The following VPS51 variants were observed in gnomAD, a reference collection of about 807,000 sequenced individuals.
VPS51 encodes the protein VPS51 subunit of GARP complex.
Under a neutral mutation model 65.1 loss-of-function variants are expected in VPS51, and 55 were observed. The ratio of observed to expected loss-of-function variants is 0.84; its 90% CI spans 0.68 to 1.06. The LOEUF (loss-of-function observed/expected upper bound fraction) is 1.06. Ranked by LOEUF, VPS51 falls within the 50% of genes least tolerant of loss-of-function variation. The probability of loss-of-function intolerance (pLI) is 0.00; values close to 1 mark genes in which losing one functional copy is unlikely to be tolerated. For missense variants in VPS51, 943 were observed against 1,101.6 expected, an observed-to-expected ratio of 0.86 and a Z score of 2.04; for synonymous variants, 473 against 489.5, an observed-to-expected ratio of 0.97 and a Z score of 0.44.
In VPS51 at chr11:65,107,701, G is replaced by T; in HGVS notation, c.479G>T (p.Arg160Leu). Residue 160 changes from arginine (R) to leucine (L), a missense_variant, in exon 3 of 10, where the codon CGC becomes CTC. This residue lies in a region of VPS51 where 855 missense variants were observed against 953.7 expected (regional missense o/e 0.90). Transcript: ENST00000279281. This position sits in a 1 kb window ranked among gnomAD's most constrained non-coding sequence, Gnocchi z 4.0. ...SARISATLQD[R>L]HERITKLAGV... ...CGCATCAGCGCCACGCTGCAGGACCGCCACGAGCGCATCACCAAGCTGGCA... is the reference window on the plus strand; with the variant it reads ...CGCATCAGCGCCACGCTGCAGGACCTCCACGAGCGCATCACCAAGCTGGCA... 2 of 1,609,136 alleles carry T rather than the reference G, an allele frequency of 1.2e-6. No homozygotes were observed. The highest frequency in any genetic ancestry group is 1.7e-5 in the Admixed American group (1 of 59,940).
At chr11:65,096,972 G>A in intron 1 of VPS51, 26 bp from the exon 2 acceptor site, 7 of 1,612,092 alleles carry the variant, frequency 4.3e-6, no homozygotes, top group Non-Finnish European at 5.9e-6. Flanking sequence ...CTCCTGACCC[G>A]AACACTAACC....
At chr11:65,103,902 G>GTTT (rs200634225) in intron 2 of VPS51, among the ~76,000 whole-genome samples, 4 of 135,356 alleles carry the variant, frequency 3.0e-5, no homozygotes, top group South Asian at 2.4e-4. Context: ...GTTTTTTTTT[G>GTTT]TTTTTTTTTT....
Position 65,109,726 on chromosome 11 carries a change from G to A in VPS51, c.1681G>A (p.Val561Met), listed in dbSNP as rs1316583305. The A allele has an allele frequency of 5.1e-6, 8 of 1,579,754 alleles. No individual in the cohort carries two copies. The highest frequency in any genetic ancestry group is 1.9e-5 in the Admixed American group (1 of 54,014). The change falls in exon 7 of 10, where the codon GTG (valine) becomes ATG (methionine). Residue 561 changes from valine to methionine, a missense_variant. Physicochemically the swap from Val to Met is conservative, Grantham distance 21 (BLOSUM62 1). Coordinates refer to ENST00000279281, the MANE Select transcript of VPS51 (RefSeq NM_013265.4). Reference sequence around the variant, plus strand: ...TCAGGATCAGTTCCCAGTGACGCCCGTGAGCACGCTGTGTGCAGAGGCCAG... The same window carrying A: ...TCAGGATCAGTTCCCAGTGACGCCCATGAGCACGCTGTGTGCAGAGGCCAG... Reference protein sequence around the residue: ...LVQDQFPVTPVSTLCAEARET... With the variant: ...LVQDQFPVTPMSTLCAEARET...
At chr11:65,108,147 C>T in intron 4 of VPS51, 50 bp from the exon 5 acceptor site, 1 of 1,577,982 alleles carries the variant, frequency 6.3e-7, no homozygotes, top group Non-Finnish European at 8.6e-7. Flanking sequence ...GCTCCTGCCC[C>T]ATCCACCGGC....
At position 65,109,821 on chromosome 11, in the gene VPS51, C is replaced by G; in HGVS notation, c.1776C>G (p.Arg592=). The G allele has an allele frequency of 6.2e-7, 1 of 1,611,324 alleles. No homozygotes were observed. The highest frequency in any genetic ancestry group is 8.5e-7 in the Non-Finnish European group (1 of 1,179,350). ...GCCTGGTCATATCACAGATGCTGCG[C>G]AAGAGCGTGGAGACTCGCGACTGGC... The part of the protein sequence containing the change: ...VQGLVISQML[R]KSVETRDWLS... The change falls in exon 7 of 10, where the codon CGC becomes CGG. Residue 592 remains arginine, a synonymous_variant. Coordinates refer to ENST00000279281, the MANE Select transcript of VPS51 (RefSeq NM_013265.4).
chr11:65,096,917 C>A, intron 1 of VPS51, 81 bp from the exon 2 acceptor site: 1 of 1,572,974 alleles, frequency 6.4e-7, no homozygotes, highest in South Asian at 1.2e-5. Flanking sequence ...GATTTCTTGC[C>A]CTGAAAGCCT....
At chr11:65,099,459 T>C (rs1202135645) in intron 2 of VPS51, among the ~76,000 whole-genome samples, 1 of 152,144 alleles carries the variant, frequency 6.6e-6, no homozygotes, top group African/African-American at 2.4e-5. Flanking sequence ...AGTGATGTGC[T>C]CAGATTTCTG....
At position 65,108,024 on chromosome 11, in the gene VPS51, T is replaced by A; in HGVS notation, c.725+2T>A. 6.6e-7 allele frequency: 1 copy of A among 1,516,344 alleles called. No homozygotes were observed. Among genetic ancestry groups the A allele is most frequent in the Non-Finnish European group, 8.8e-7 (1 of 1,133,870 alleles). The allele number at this position is 1,516,344 out of a possible 1,614,324, so 93.9% of individuals were successfully genotyped here. A position where few individuals can be genotyped will look rare whatever the true frequency, so the allele number is the denominator to read the frequency against. On this transcript the variant is annotated splice_donor_variant, in intron 4 of 9. Coordinates refer to ENST00000279281, the MANE Select transcript of VPS51 (RefSeq NM_013265.4). LOFTEE classifies it high-confidence loss of function. ...CCAGCAGCTGCGGCAGCGCTTTAGG[T>A]GTGGCCCCTCTGCCCTGACCCCAGC... is the stretch of plus-strand genomic sequence containing the variant.
chr11:65,107,916 C>T lies in VPS51; in HGVS notation c.619C>T (p.Gln207Ter). 1 of 1,556,304 alleles carries T rather than the reference C, an allele frequency of 6.4e-7. No individual in the cohort carries two copies. Among genetic ancestry groups the T allele is most frequent in the Non-Finnish European group, 8.7e-7 (1 of 1,152,178 alleles). Residue 207 changes from glutamine (Q) to a stop codon, truncating the protein, a stop_gained, in exon 4 of 10, where the codon CAG (glutamine) becomes TAG (stop). Transcript: ENST00000279281. LOFTEE classifies it high-confidence loss of function. This position sits in a 1 kb window ranked among gnomAD's most constrained non-coding sequence, Gnocchi z 4.0. ...GGCGGTGCGCTACCAGGGCCGCGCGCAGGCCGTGCTGCAGCAGTACCAACA... is the reference window on the plus strand; with the variant it reads ...GGCGGTGCGCTACCAGGGCCGCGCGTAGGCCGTGCTGCAGCAGTACCAACA... ...GQAVRYQGRA[Q>*]AVLQQYQHLP... is the part of the protein sequence containing the mutation.
chr11:65,111,834 C>A lies in VPS51; in HGVS notation c.*247C>A. 1 of 928,388 alleles carries A rather than the reference C, an allele frequency of 1.1e-6. No individual in the cohort carries two copies. The allele number at this position is 928,388 out of a possible 1,614,324, so 57.5% of individuals were successfully genotyped here. A position where few individuals can be genotyped will look rare whatever the true frequency, so the allele number is the denominator to read the frequency against. On this transcript the variant is annotated 3_prime_UTR_variant, in exon 10 of 10. Coordinates refer to ENST00000279281, the MANE Select transcript of VPS51 (RefSeq NM_013265.4). ...TGCTGGGCCCAGCATGGGCAGGGGG[C>A]GGTTCCACTTAAAAACCCTGGGACG...
intron 8 of VPS51, 33 bp downstream of exon 8, chr11:65,110,636 G>C (rs777052847): frequency 1.2e-6 from 2 of 1,613,952 alleles, no homozygotes; most frequent in Admixed American, 3.3e-5. Flanking sequence ...CAGGGGGAAG[G>C]GACAAAAGAG....
chr11:65,111,852 C>G lies in VPS51; in HGVS notation c.*265C>G, dbSNP rs1590815300. The stretch of plus-strand genomic sequence containing the variant: ...CAGGGGGCGGTTCCACTTAAAAACC[C>G]TGGGACGAGAGCGGTCCTTGTCTGC... On this transcript the variant is annotated 3_prime_UTR_variant, in exon 10 of 10. Transcript: ENST00000279281. The G allele has an allele frequency of 3.0e-6, 3 of 991,370 alleles. No individual in the cohort carries two copies. The highest frequency in any genetic ancestry group is 2.6e-5 in the East Asian group (1 of 38,304). 61.4% of individuals were successfully genotyped at this position (991,370 alleles called of 1,614,324 possible).
rs764286509 is a variant in VPS51 at position 65,109,761 on chromosome 11, G to A, written c.1716G>A (p.Ala572=). The A allele has an allele frequency of 6.9e-6, 11 of 1,598,446 alleles. No homozygotes were observed. Among genetic ancestry groups the A allele is most frequent in the South Asian group, 1.1e-5 (1 of 88,706 alleles). Residue 572 remains alanine, a synonymous_variant, in exon 7 of 10, where the codon GCG becomes GCA. Transcript: ENST00000279281. The part of the protein sequence containing the change: ...STLCAEARET[A]RRLLTHYVKV... The stretch of plus-strand genomic sequence containing the variant: ...TGTGTGCAGAGGCCAGGGAAACGGC[G>A]CGGCGGCTGCTGACCCACTACGTGA...
chr11:65,108,997 G>A (rs1947867603), intron 5 of VPS51, 83 bp downstream of exon 5: 2 of 1,488,018 alleles, frequency 1.3e-6, no homozygotes, highest in Non-Finnish European at 1.9e-6. Flanking sequence ...GGAAACTGGG[G>A]AAACCAGGCA....
intron 7 of VPS51, 195 bp from the exon 8 acceptor site, chr11:65,110,287 T>C: frequency 2.1e-6 from 2 of 952,914 alleles, no homozygotes; most frequent in Non-Finnish European, 3.2e-6. Flanking sequence ...TCAGACCAAC[T>C]CTTGTATCCT....
At chr11:65,105,279 T>A (rs1947834334) in intron 2 of VPS51, 1 of 151,946 alleles carries the variant, frequency 6.6e-6, no homozygotes, top group African/African-American at 2.4e-5. Context: ...TAATCCCAGC[T>A]ACTCGGGGCT....
chr11:65,110,957 C>T, intron 9 of VPS51, 176 bp downstream of exon 9: 2 of 728,814 alleles, frequency 2.7e-6, no homozygotes, highest in Non-Finnish European at 4.6e-6. Context: ...GCCTCCAAAT[C>T]CCACAGCCCT....
At chr11:65,109,251 G>A in intron 5 of VPS51, 29 bp from the exon 6 acceptor site, 2 of 1,600,118 alleles carry the variant, frequency 1.2e-6, no homozygotes, top group South Asian at 1.1e-5. Context: ...GAGGGGACCT[G>A]CTGTGGACCT....
At chr11:65,109,649 C>T (rs1399394130) in intron 6 of VPS51, 56 bp from the exon 7 acceptor site, 27 of 1,520,800 alleles carry the variant, frequency 1.8e-5, no homozygotes, top group Non-Finnish European at 2.4e-5. Flanking sequence ...TTGGCAGTGG[C>T]CCCTGAGCTG....
Sources: allele counts gnomAD v4.1 joint callset (sites outside exome capture counted in the v4.1 genomes callset), GRCh38; gene constraint gnomAD v4.1.1; regional missense constraint gnomAD v4.1.1; non-coding constraint Gnocchi (gnomAD v3.1); transcripts MANE v1.5; gene names NCBI Gene and HGNC (gene_info 2026-07-23, HGNC 2026-07-21).